The following ADAR variants were observed in gnomAD, a reference collection of about 807,000 sequenced individuals.
ADAR encodes the protein adenosine deaminase RNA specific, also known as double-stranded RNA-specific adenosine deaminase.
ADAR carries 41 observed loss-of-function variants against 113.2 expected under a neutral mutation model. The ratio of observed to expected loss-of-function variants is 0.36; its 90% CI spans 0.28 to 0.47. The LOEUF (loss-of-function observed/expected upper bound fraction) is 0.47, where lower values mean the gene tolerates loss of function less well. ADAR is among the 20% of genes least tolerant of loss of function. ADAR has a pLI of 1.00. For synonymous variants in ADAR, 605 were observed against 572.6 expected (o/e 1.06, Z -0.81); for missense variants, 1,242 against 1,540.9 (o/e 0.81, Z 3.25).
intron 1 of ADAR, among the ~76,000 whole-genome samples, chr1:154,622,369 T>A (rs985043135): frequency 4.6e-5 from 7 of 152,156 alleles, no homozygotes; most frequent in African/African-American, 1.7e-4. Context: ...TTATTTCTGT[T>A]CTTGAGTGTT....
In ADAR at chr1:154,589,878, G is replaced by A. The variant is rs765742773; in HGVS notation, c.2547C>T (p.His849=). The change falls in exon 8 of 15, where the codon CAC becomes CAT. Residue 849 remains histidine, a synonymous_variant. Coordinates refer to ENST00000368474, the MANE Select transcript of ADAR (RefSeq NM_001111.5). ...TGTTAGTCAGAGTGTTGAAGCACCG[G>A]TGGCTCAGCATGGCTATCTGGTCAT... ...TFHDQIAMLS[H]RCFNTLTNSF... is the part of the protein sequence containing the mutation. The A allele has an allele frequency of 3.1e-6, 5 of 1,614,106 alleles. No homozygotes were observed. The East Asian group carries it at 1.1e-4, about 36-fold the overall frequency.
chr1:154,627,977 G>A, upstream of ADAR: 1 of 514,374 alleles, frequency 1.9e-6, no homozygotes, highest in South Asian at 1.4e-5. Flanking sequence ...TCAATGGTCT[G>A]GTCGCAGATT....
Position 154,584,764 on chromosome 1 carries a change from C to T in ADAR, c.*42G>A, listed in dbSNP as rs762357084. 3.9e-6 allele frequency: 6 copies of T among 1,524,882 alleles called. No individual in the cohort carries two copies. Among genetic ancestry groups the T allele is most frequent in the Non-Finnish European group, 5.5e-6 (6 of 1,100,068 alleles). The allele number at this position is 1,524,882 out of a possible 1,614,324, so 94.5% of individuals were successfully genotyped here. A position where few individuals can be genotyped will look rare whatever the true frequency, so the allele number is the denominator to read the frequency against. The stretch of plus-strand genomic sequence containing the variant: ...AATGCTACGACCTACCTCTCTCACA[C>T]CCTAGTATGACACACCCTAATCCAT... On this transcript the variant is annotated 3_prime_UTR_variant, in exon 15 of 15. Coordinates refer to ENST00000368474, the MANE Select transcript of ADAR (RefSeq NM_001111.5).
Position 154,585,306 on chromosome 1 carries a change from G to T in ADAR, c.3354C>A (p.Ser1118=), listed in dbSNP as rs764381126. Residue 1118 remains serine (S), a synonymous_variant, in exon 14 of 15, where the codon TCC becomes TCA. Coordinates refer to ENST00000368474, the MANE Select transcript of ADAR (RefSeq NM_001111.5). ...RVSIYDSKRQ[S]GKTKETSVNW... is the part of the protein sequence containing the mutation. ...TGACGCTTGTCTCCTTAGTCTTCCC[G>T]GATTGCCTTTTGGAATCATATATGC... 8 of 1,614,088 alleles carry T rather than the reference G, an allele frequency of 5.0e-6. No homozygotes were observed. The African/African-American group carries it at 6.7e-5, about 13-fold the overall frequency.
chr1:154,598,700 G>GAGT (rs2101627472), intron 2 of ADAR, 115 bp from the exon 3 acceptor site: 1 of 1,096,798 alleles, frequency 9.1e-7, no homozygotes, highest in Non-Finnish European at 1.4e-6. Flanking sequence ...TTCACTTGTG[G>GAGT]AGATGAAGGG....
chr1:154,592,672 T>C (rs1314338999), intron 6 of ADAR, among the ~76,000 whole-genome samples: 3 of 151,870 alleles, frequency 2.0e-5, no homozygotes, highest in African/African-American at 7.3e-5. Flanking sequence ...GGGTAGACAG[T>C]GGTATCACTT....
At chr1:154,596,071 A>C (rs1412829897) in intron 6 of ADAR, among the ~76,000 whole-genome samples, 3 of 152,224 alleles carry the variant, frequency 2.0e-5, no homozygotes, top group Non-Finnish European at 4.4e-5. Flanking sequence ...AGCCCATGCC[A>C]TCTAGGTTTA....
Position 154,584,457 on chromosome 1 carries a change from A to C in ADAR, c.*349T>G. 3.5e-6 allele frequency: 1 copy of C among 283,330 alleles called. No individual in the cohort carries two copies. 17.6% of individuals were successfully genotyped at this position (283,330 alleles called of 1,614,324 possible). A position where few individuals can be genotyped will look rare whatever the true frequency, so the allele number is the denominator to read the frequency against. The stretch of plus-strand genomic sequence containing the variant: ...CAAGACCGCAAGAGGTCAGTGTAGC[A>C]AACACAAAGGGAAAGGAAATGGAAA... On this transcript the variant is annotated 3_prime_UTR_variant, in exon 15 of 15. Coordinates refer to ENST00000368474, the MANE Select transcript of ADAR (RefSeq NM_001111.5).
At chr1:154,611,992 T>C (rs1347509942), upstream of ADAR, among the ~76,000 whole-genome samples, 1 of 152,260 alleles carries the variant, frequency 6.6e-6, no homozygotes, top group East Asian at 1.9e-4. Context: ...CCTGCTATTC[T>C]TGCTTTTTAA....
At chr1:154,586,861 G>A (rs1166275437) in intron 11 of ADAR, among the ~76,000 whole-genome samples, 3 of 152,110 alleles carry the variant, frequency 2.0e-5, no homozygotes, top group African/African-American at 7.2e-5. Context: ...GAGCATATGC[G>A]AGGGATGGGG....
intron 2 of ADAR, 178 bp downstream of exon 2, chr1:154,600,862 TA>T: frequency 1.1e-6 from 1 of 870,618 alleles, no homozygotes; most frequent in Non-Finnish European, 1.8e-6. Context: ...CCAAGGTCTA[TA>T]TTCCCTGCTC....
intron 7 of ADAR, 121 bp from the exon 8 acceptor site, chr1:154,590,049 G>T: frequency 6.7e-7 from 1 of 1,489,058 alleles, no homozygotes; most frequent in Non-Finnish European, 9.3e-7. Context: ...CTTACATCTA[G>T]TGTCCCAGTT....
In ADAR at chr1:154,597,120, T is replaced by C. The variant is rs1697554291; in HGVS notation, c.2079+3A>G. On this transcript the variant is annotated splice_donor_region_variant and intron_variant, in intron 5 of 14. Transcript: ENST00000368474. ...GTATCTTTTGAGTAGGAAAACGCCC[T>C]ACCTGGTTATCAGAAGCCATGGAGT... 2 of 1,614,196 alleles carry C rather than the reference T, an allele frequency of 1.2e-6. No individual in the cohort carries two copies. The highest frequency in any genetic ancestry group is 1.7e-6 in the Non-Finnish European group (2 of 1,180,030).
At chr1:154,618,168 TAAG>T (rs1698686980) in intron 1 of ADAR, among the ~76,000 whole-genome samples, 1 of 150,886 alleles carries the variant, frequency 6.6e-6, no homozygotes, top group Non-Finnish European at 1.5e-5. Flanking sequence ...TATTTGCTAT[TAAG>T]AATACCATAT....
At chr1:154,626,067 G>A (rs1341270612) in intron 1 of ADAR, among the ~76,000 whole-genome samples, 7 of 150,006 alleles carry the variant, frequency 4.7e-5, no homozygotes, top group South Asian at 2.1e-4. Context: ...CCAGCTACTC[G>A]GGATAAAATT....
intron 1 of ADAR, among the ~76,000 whole-genome samples, chr1:154,606,947 A>AAATAT (rs1553214982): frequency 0.045 from 6,635 of 148,450 alleles, 192 homozygotes; most frequent in Non-Finnish European, 0.053. Context: ...AAAAAAAAAA[A>AAATAT]ATATATATAT....
At chr1:154,586,683 T>C (rs906148719) in intron 11 of ADAR, among the ~76,000 whole-genome samples, 7 of 152,206 alleles carry the variant, frequency 4.6e-5, no homozygotes, top group Admixed American at 1.3e-4. Context: ...GAGGCAGCTA[T>C]GACGGAGGAC....
At position 154,595,195 on chromosome 1, in the gene ADAR, C is replaced by T. The variant is rs114171836; in HGVS notation, c.2270+1610G>A. On this transcript the variant is annotated intron_variant, in intron 6 of 14. Coordinates refer to ENST00000368474, the MANE Select transcript of ADAR (RefSeq NM_001111.5). ...GTAGGAGTGTGAACTCGACTGTGAACTGTGAATGCGAGGGATCTAGGCTAC... is the reference window on the plus strand; with the variant it reads ...GTAGGAGTGTGAACTCGACTGTGAATTGTGAATGCGAGGGATCTAGGCTAC... Among the ~76,000 whole-genome samples the T allele has an allele frequency of 2.9e-3, 436 of 152,172 alleles. 2 individuals are homozygous for T. Among genetic ancestry groups the T allele is most frequent in the African/African-American group, 9.8e-3 (405 of 41,508 alleles).
Position 154,602,345 on chromosome 1 carries a change from G to C in ADAR, c.297C>G (p.Leu99=). 6.2e-7 allele frequency: 1 copy of C among 1,608,960 alleles called. No individual in the cohort carries two copies. The highest frequency in any genetic ancestry group is 8.5e-7 in the Non-Finnish European group (1 of 1,177,314). Residue 99 remains leucine (L), a synonymous_variant, in exon 2 of 15, where the codon CTC becomes CTG. Coordinates refer to ENST00000368474, the MANE Select transcript of ADAR (RefSeq NM_001111.5). ...ACCCTCTCTGGAGCCCCTGACTTCT[G>C]AGATGCACGCCCCTGGGGACACCCC... The part of the protein sequence containing the change: ...DIRGVPRGVH[L]RSQGLQRGFQ...
Sources: allele counts gnomAD v4.1 joint callset (sites outside exome capture counted in the v4.1 genomes callset), GRCh38; gene constraint gnomAD v4.1.1; transcripts MANE v1.5; gene names NCBI Gene and HGNC (gene_info 2026-07-23, HGNC 2026-07-21).